Variants in ARL5C observed in about 807,000 individuals in gnomAD.
ARL5C encodes putative ADP-ribosylation factor-like protein 5C.
ARL5C carries 21 observed loss-of-function variants against 20.8 expected under a neutral mutation model. The ratio of observed to expected loss-of-function variants is 1.01; its 90% confidence interval spans 0.72 to 1.46. The LOEUF (loss-of-function observed/expected upper bound fraction) is 1.46, where lower values mean the gene tolerates loss of function less well. ARL5C is among the 40% of genes most tolerant of loss of function. ARL5C has a pLI of 0.00. For missense variants in ARL5C, 199 were observed against 225.1 expected (o/e 0.88, Z 0.74); for synonymous variants, 71 against 81.6 (o/e 0.87, Z 0.70).
intron 5 of ARL5C, chr17:39,160,383 C>A: frequency 1.8e-6 from 1 of 563,110 alleles, no homozygotes; most frequent in Non-Finnish European, 3.1e-6. Context: ...ACCTCTTTCT[C>A]CACTAGAACA....
Position 39,159,577 on chromosome 17 carries a change from A to G in ARL5C, c.491+1014T>C, listed in dbSNP as rs543388042. Among the ~76,000 whole-genome samples, 7 of 152,184 alleles carry G rather than the reference A, an allele frequency of 4.6e-5. No homozygotes were observed. The East Asian group carries it at 5.8e-4, about 13-fold the overall frequency. On this transcript the variant is annotated intron_variant, in intron 5 of 5. Transcript: ENST00000269586. ...CTCCCAAAGTGCTGGGATTACAGGCATGAGCCACCGCGCCCCGCCATCATT... is the reference window on the plus strand; with the variant it reads ...CTCCCAAAGTGCTGGGATTACAGGCGTGAGCCACCGCGCCCCGCCATCATT...
intron 5 of ARL5C, among the ~76,000 whole-genome samples, chr17:39,157,854 G>A (rs1255112621): frequency 1.3e-5 from 2 of 151,854 alleles, no homozygotes; most frequent in African/African-American, 4.8e-5. Flanking sequence ...AGCACTTTGG[G>A]AGGCCGAGGC....
Position 39,162,863 on chromosome 17 carries a change from G to A in ARL5C, c.108-5C>T, listed in dbSNP as rs781633063. ...TGGACCACCTCATTGGTCAAGCTGG[G>A]GAGGTAGGAGTGGGCACCAAGAGCT... is the stretch of plus-strand genomic sequence containing the variant. On this transcript the variant is annotated splice_region_variant and splice_polypyrimidine_tract_variant and intron_variant, in intron 2 of 5. Coordinates refer to ENST00000269586, the MANE Select transcript of ARL5C (RefSeq NM_001143968.1). The A allele has an allele frequency of 4.5e-6, 7 of 1,549,722 alleles. 1 individual carries two copies. The South Asian group carries it at 8.3e-5, about 18-fold the overall frequency.
In ARL5C at chr17:39,165,570, C is replaced by T. The variant is rs552655431; in HGVS notation, c.46+145G>A. 1.5e-3 allele frequency: 1,495 copies of T among 980,596 alleles called. 6 individuals carry two copies. Among genetic ancestry groups the T allele is most frequent in the Non-Finnish European group, 2.1e-3 (1,373 of 661,240 alleles). The allele number at this position is 980,596 out of a possible 1,614,324, so 60.7% of individuals were successfully genotyped here. On this transcript the variant is annotated intron_variant, in intron 1 of 5. Coordinates refer to ENST00000269586, the MANE Select transcript of ARL5C (RefSeq NM_001143968.1). ...CAAGAGGAGCAGGCAGGGACGGGGG[C>T]AGGGGAGGCCGCGGGGCAGTCGAGG...
chr17:39,159,546 C>T (rs1352285906), intron 5 of ARL5C, among the ~76,000 whole-genome samples: 1 of 152,138 alleles, frequency 6.6e-6, no homozygotes, highest in Admixed American at 6.5e-5. Flanking sequence ...ATCTGCCCGC[C>T]TTGGCCTCCC....
rs991189340 is a variant in ARL5C, at chr17:39,157,040, CA to C, written c.492-99del. ...CCCAGATCGGACTGGGTGCAGGAACCAAAGTTACATCCAATAATTCAATTAA... is the reference window on the plus strand; with the variant it reads ...CCCAGATCGGACTGGGTGCAGGAACCAAGTTACATCCAATAATTCAATTAA... On this transcript the variant is annotated intron_variant, in intron 5 of 5. Transcript: ENST00000269586. 8.6e-6 allele frequency: 11 copies of C among 1,285,720 alleles called. No individual in the cohort carries two copies. In the African/African-American group the frequency reaches 1.6e-4, roughly 19 times the overall value. The allele number at this position is 1,285,720 out of a possible 1,614,324, so 79.6% of individuals were successfully genotyped here.
In ARL5C at chr17:39,164,857, T is replaced by C. The variant is rs150604723; in HGVS notation, c.107+222A>G. 86 of 466,280 alleles carry C rather than the reference T, an allele frequency of 1.8e-4. No individual in the cohort carries two copies. In the East Asian group the frequency reaches 3.1e-3, roughly 17 times the overall value. The allele number at this position is 466,280 out of a possible 1,614,324, so 28.9% of individuals were successfully genotyped here. A position where few individuals can be genotyped will look rare whatever the true frequency, so the allele number is the denominator to read the frequency against. On this transcript the variant is annotated intron_variant, in intron 2 of 5. Transcript: ENST00000269586. ...GGGTTTGGCAGGGCCCCCGGGAAGA[T>C]GGAGGAAAGCAGTGGGAGCTAGGGT...
intron 2 of ARL5C, among the ~76,000 whole-genome samples, chr17:39,164,478 C>G (rs2045453055): frequency 6.6e-6 from 1 of 152,148 alleles, no homozygotes; most frequent in Non-Finnish European, 1.5e-5. Flanking sequence ...TACTTTTCAC[C>G]GTGTATTCCT....
chr17:39,165,094 G>A lies in ARL5C; in HGVS notation c.92C>T (p.Thr31Ile), dbSNP rs9912267. Reference sequence around the variant, plus strand: ...AGTCACTTACAACCGGTAGAGAATGGTGGTCTTTCCTTCATTGTCCAGTCC... The same window carrying A: ...AGTCACTTACAACCGGTAGAGAATGATGGTCTTTCCTTCATTGTCCAGTCC... The part of the protein sequence containing the change: ...IVGLDNEGKT[T>I]ILYRFLTNEV... Residue 31 changes from threonine (T) to isoleucine (I), a missense_variant, in exon 2 of 6, where the codon ACC (threonine) becomes ATC (isoleucine). Physicochemically the swap from Thr to Ile is moderately conservative, Grantham distance 89. Transcript: ENST00000269586. 3.3e-3 allele frequency: 5,195 copies of A among 1,551,692 alleles called. 156 individuals carry two copies. The African/African-American group carries it at 0.062, about 18-fold the overall frequency.
At chr17:39,162,330 T>C (rs2045439180) in intron 3 of ARL5C, among the ~76,000 whole-genome samples, 1 of 152,164 alleles carries the variant, frequency 6.6e-6, no homozygotes, top group African/African-American at 2.4e-5. Flanking sequence ...GACAGAGTCT[T>C]GCTCTGTTGC....
chr17:39,156,846 T>A (rs1388837807), downstream of ARL5C: 3 of 1,549,138 alleles, frequency 1.9e-6, no homozygotes. Context: ...TCCACCCATG[T>A]TGACCATGCA....
intron 5 of ARL5C, among the ~76,000 whole-genome samples, chr17:39,157,991 G>C (rs1188149185): frequency 6.6e-6 from 1 of 151,996 alleles, no homozygotes; most frequent in Non-Finnish European, 1.5e-5. Context: ...CCGGCTACTC[G>C]GGAGGCTGAG....
rs1399036055 is a variant in ARL5C, at chr17:39,165,938, G to C, written c.-178C>G. On this transcript the variant is annotated 5_prime_UTR_variant, in exon 1 of 6. Transcript: ENST00000269586. ...ACCCTCTGGGACGCTGGCCCTTCGT[G>C]GGCACTATGGACACCCCAGTGACTA... is the stretch of plus-strand genomic sequence containing the variant. 3 of 672,504 alleles carry C rather than the reference G, an allele frequency of 4.5e-6. No homozygotes were observed. The highest frequency in any genetic ancestry group is 7.6e-6 in the Non-Finnish European group (3 of 393,750). 41.7% of individuals were successfully genotyped at this position (672,504 alleles called of 1,614,324 possible). A position where few individuals can be genotyped will look rare whatever the true frequency, so the allele number is the denominator to read the frequency against.
intron 5 of ARL5C, 146 bp from the exon 6 acceptor site, chr17:39,157,088 A>T: frequency 1.1e-6 from 1 of 896,978 alleles, no homozygotes; most frequent in African/African-American, 1.7e-5. Flanking sequence ...TGGCTTGAGT[A>T]TCTGCTGTGC....
chr17:39,161,710 C>T (rs2045436344), intron 3 of ARL5C, among the ~76,000 whole-genome samples: 1 of 152,012 alleles, frequency 6.6e-6, no homozygotes, highest in Non-Finnish European at 1.5e-5. Context: ...GACGGGGTTT[C>T]GCCATGTTGG....
chr17:39,160,453 G>A, intron 5 of ARL5C, 138 bp downstream of exon 5: 1 of 1,007,378 alleles, frequency 9.9e-7, no homozygotes, highest in East Asian at 2.6e-5. Context: ...TCACCTGTGG[G>A]GAGATGCCAA....
Position 39,162,811 on chromosome 17 carries a change from A to G in ARL5C, c.155T>C (p.Val52Ala). The stretch of plus-strand genomic sequence containing the variant: ...GGTCTTCGGCAGAATGATCTCCTCC[A>G]CGTTGCTGCCAATGGTGGGACACAT... Reference protein sequence around the residue: ...VHMCPTIGSNVEEIILPKTHF... With the variant: ...VHMCPTIGSNAEEIILPKTHF... The change falls in exon 3 of 6, where the codon GTG (valine) becomes GCG (alanine). Residue 52 changes from valine to alanine, a missense_variant. By Grantham distance (64) the Val-to-Ala change is moderately conservative (BLOSUM62 0). Coordinates refer to ENST00000269586, the MANE Select transcript of ARL5C (RefSeq NM_001143968.1). The G allele has an allele frequency of 6.4e-7, 1 of 1,551,392 alleles. No individual in the cohort carries two copies. Among genetic ancestry groups the G allele is most frequent in the South Asian group, 1.2e-5 (1 of 84,034 alleles).
chr17:39,162,568 TG>T, intron 3 of ARL5C, 142 bp downstream of exon 3: 1 of 1,076,624 alleles, frequency 9.3e-7, no homozygotes, highest in Admixed American at 2.9e-5. Flanking sequence ...CCCAAAGTGC[TG>T]GGATTACAGG....
In ARL5C at chr17:39,161,319, C is replaced by T. The variant is rs1223055913; in HGVS notation, c.288G>A (p.Arg96=). ...FIILVIDSTD[R]DRLLTTREEL... is the part of the protein sequence containing the mutation. ...CCTCCCGAGTGGTCAGCAGCCGATC[C>T]CGGTCCGTGCTGTCAATCACAAGGA... The change falls in exon 4 of 6, where the codon CGG becomes CGA. Residue 96 remains arginine (R), a synonymous_variant. Coordinates refer to ENST00000269586, the MANE Select transcript of ARL5C (RefSeq NM_001143968.1). 1.3e-6 allele frequency: 2 copies of T among 1,551,898 alleles called. No individual in the cohort carries two copies.
Sources: gnomAD v4.1 joint callset for allele counts (sites outside exome capture counted in the v4.1 genomes callset) on GRCh38, gnomAD v4.1.1 for gene constraint, MANE v1.5 for transcripts, NCBI Gene and HGNC (gene_info 2026-07-23, HGNC 2026-07-21) for gene names.